Variants in MUC17 observed in about 807,000 individuals in gnomAD.
MUC17 encodes mucin 17, cell surface associated.
A neutral mutation model predicts 170.3 loss-of-function variants in MUC17; 190 were observed. That is an observed-to-expected ratio of 1.12 (90% CI 0.99 to 1.26). MUC17 has a LOEUF of 1.26. MUC17 is among the 50% of genes most tolerant of loss of function. The probability of loss-of-function intolerance (pLI) is 0.00; values close to 1 mark genes in which losing one functional copy is unlikely to be tolerated. For synonymous variants in MUC17, 2,325 were observed against 2,002.5 expected (o/e 1.16, Z -4.30); for missense variants, 6,415 against 5,530.0 (o/e 1.16, Z -5.08).
rs771636638 is a variant in MUC17, at chr7:101,040,214, T to C, written c.8798T>C (p.Ile2933Thr). ...GAAGTAAGTACTCCATTAACAAGTATACTTGTCAGCACCGTGCCAGTGGCC... is the reference window on the plus strand; with the variant it reads ...GAAGTAAGTACTCCATTAACAAGTACACTTGTCAGCACCGTGCCAGTGGCC... ...PSEVSTPLTS[I>T]LVSTVPVAGS... Residue 2933 changes from isoleucine (I) to threonine (T), a missense_variant, in exon 3 of 13, where the codon ATA becomes ACA. Ile to Thr is a moderately conservative substitution (Grantham distance 89). Transcript: ENST00000306151. The C allele has an allele frequency of 9.9e-6, 16 of 1,612,194 alleles. No individual in the cohort carries two copies. Among genetic ancestry groups the C allele is most frequent in the Admixed American group, 5.0e-5 (3 of 59,566 alleles).
Position 101,037,333 on chromosome 7 carries a change from A to G in MUC17, c.5917A>G (p.Thr1973Ala). Residue 1973 changes from threonine (T) to alanine (A), a missense_variant, in exon 3 of 13, where the codon ACC becomes GCC. Coordinates refer to ENST00000306151, the MANE Select transcript of MUC17 (RefSeq NM_001040105.2). ...ASSSPTTADG[T>A]SMPTPAYSEG... ...TTCATCTCCTACAACTGCTGATGGTACCAGCATGCCAACCCCAGCTTATAG... is the reference window on the plus strand; with the variant it reads ...TTCATCTCCTACAACTGCTGATGGTGCCAGCATGCCAACCCCAGCTTATAG... The G allele has an allele frequency of 6.2e-7, 1 of 1,614,158 alleles. No individual in the cohort carries two copies. The highest frequency in any genetic ancestry group is 1.1e-5 in the South Asian group (1 of 91,078).
Position 101,037,099 on chromosome 7 carries a change from A to G in MUC17, c.5683A>G (p.Ser1895Gly). The change falls in exon 3 of 13, where the codon AGC becomes GGC. Residue 1895 changes from serine (S) to glycine (G), a missense_variant. Ser to Gly is a moderately conservative substitution (Grantham distance 56). Transcript: ENST00000306151. ...NTLSTTPAVT[S>G]TPVTTYAQVS... Reference sequence around the variant, plus strand: ...CCTTTCAACAACTCCCGCTGTCACCAGCACACCTGTGACCACTTATGCTCA... The same window carrying G: ...CCTTTCAACAACTCCCGCTGTCACCGGCACACCTGTGACCACTTATGCTCA... The G allele has an allele frequency of 6.3e-7, 1 of 1,584,750 alleles. No homozygotes were observed. Among genetic ancestry groups the G allele is most frequent in the Non-Finnish European group, 8.5e-7 (1 of 1,178,168 alleles).
chr7:101,040,887 A>C lies in MUC17; in HGVS notation c.9471A>C (p.Ser3157=), dbSNP rs769827113. 1 of 1,613,372 alleles carries C rather than the reference A, an allele frequency of 6.2e-7. No individual in the cohort carries two copies. Among genetic ancestry groups the C allele is most frequent in the South Asian group, 1.1e-5 (1 of 91,030 alleles). ...CTGAAGGTACCAGCATGCCAACCTC[A>C]ACTCCTAGTGAAGGAAGTACTCCAT... ...TTSEGTSMPT[S]TPSEGSTPLT... The change falls in exon 3 of 13, where the codon TCA becomes TCC. Residue 3157 remains serine (S), a synonymous_variant. Transcript: ENST00000306151.
At chr7:101,056,930 T>G (rs116249972) in intron 12 of MUC17, among the ~76,000 whole-genome samples, 1 of 152,270 alleles carries the variant, frequency 6.6e-6, no homozygotes, top group African/African-American at 2.4e-5. Flanking sequence ...TAGAATGGGC[T>G]CCTACATTTT....
rs536760156 is a variant in MUC17, at chr7:101,053,247, G to A, written c.13266-92G>A. On this transcript the variant is annotated intron_variant, in intron 10 of 12. Transcript: ENST00000306151. Reference sequence around the variant, plus strand: ...TCACTTCATAGTCTAGGTGGGCAGCGGGGGCAGCTAAAAATGGGGATACAG... The same window carrying A: ...TCACTTCATAGTCTAGGTGGGCAGCAGGGGCAGCTAAAAATGGGGATACAG... The A allele has an allele frequency of 6.0e-5, 94 of 1,578,984 alleles. 1 individual carries two copies. In the Middle Eastern group the frequency reaches 1.2e-3, roughly 20 times the overall value.
chr7:101,051,595 T>TA lies in MUC17; in HGVS notation c.12875-17dup, dbSNP rs1190098238. ...AGCGTGTATGTGTCGTGAGGGGTTT[T>TA]ATGTGTCTCTTTCACAGACATGATG... On this transcript the variant is annotated splice_polypyrimidine_tract_variant and intron_variant, in intron 7 of 12. Transcript: ENST00000306151. 3 of 1,612,538 alleles carry TA rather than the reference T, an allele frequency of 1.9e-6. No individual in the cohort carries two copies. The African/African-American group carries it at 4.0e-5, about 22-fold the overall frequency.
rs1393064437 is a variant in MUC17, at chr7:101,048,192, C to T, written c.12535+77C>T. The T allele has an allele frequency of 5.7e-6, 8 of 1,402,922 alleles. No individual in the cohort carries two copies. The South Asian group carries it at 9.8e-5, about 17-fold the overall frequency. 86.9% of individuals were successfully genotyped at this position (1,402,922 alleles called of 1,614,324 possible). A position where few individuals can be genotyped will look rare whatever the true frequency, so the allele number is the denominator to read the frequency against. ...CATACAAGCAACAGTTCCTGCCCCACCTTGATGTGAGGCCAGGAATAGGGC... is the reference window on the plus strand; with the variant it reads ...CATACAAGCAACAGTTCCTGCCCCATCTTGATGTGAGGCCAGGAATAGGGC... On this transcript the variant is annotated intron_variant, in intron 4 of 12. Coordinates refer to ENST00000306151, the MANE Select transcript of MUC17 (RefSeq NM_001040105.2).
chr7:101,037,775 G>C lies in MUC17; in HGVS notation c.6359G>C (p.Ser2120Thr). Residue 2120 changes from serine to threonine, a missense_variant, in exon 3 of 13, where the codon AGC becomes ACC. Transcript: ENST00000306151. ...STTPVASPEA[S>T]TLSTTPVDSN... The stretch of plus-strand genomic sequence containing the variant: ...ACGCCGGTGGCCAGTCCTGAGGCTA[G>C]CACCCTTTCAACAACTCCTGTTGAC... 1.2e-6 allele frequency: 2 copies of C among 1,613,010 alleles called. No individual in the cohort carries two copies. Among genetic ancestry groups the C allele is most frequent in the Non-Finnish European group, 1.7e-6 (2 of 1,179,372 alleles).
At position 101,031,775 on chromosome 7, in the gene MUC17, A is replaced by T; in HGVS notation, c.359A>T (p.Glu120Val). The change falls in exon 3 of 13, where the codon GAA becomes GTA. Residue 120 changes from glutamate to valine, a missense_variant. By Grantham distance (121) the Glu-to-Val change is moderately radical (BLOSUM62 -2). Coordinates refer to ENST00000306151, the MANE Select transcript of MUC17 (RefSeq NM_001040105.2). ...MTPTESRTTS[E>V]STSDSTTLFP... ...CCAACAGAATCCAGAACAACTTCAG[A>T]ATCTACCAGTGACAGCACCACACTT... 1 of 1,608,100 alleles carries T rather than the reference A, an allele frequency of 6.2e-7. No homozygotes were observed. The highest frequency in any genetic ancestry group is 2.2e-5 in the East Asian group (1 of 44,844).
intron 6 of MUC17, among the ~76,000 whole-genome samples, chr7:101,050,177 C>G (rs1794912089): frequency 6.6e-6 from 1 of 152,142 alleles, no homozygotes; most frequent in African/African-American, 2.4e-5. Context: ...CTGTGGTTCC[C>G]ATTCCTCCAT....
chr7:101,025,119 C>T (rs1339807089), intron 1 of MUC17, among the ~76,000 whole-genome samples: 1 of 152,124 alleles, frequency 6.6e-6, no homozygotes, highest in Non-Finnish European at 1.5e-5. Context: ...AATCCCAGCA[C>T]TTTGGGAGGC....
rs201207919 is a variant in MUC17 at position 101,037,014 on chromosome 7, C to A, written c.5598C>A (p.Ser1866Arg). The change falls in exon 3 of 13, where the codon AGC (serine) becomes AGA (arginine). Residue 1866 changes from serine (S) to arginine (R), a missense_variant. Physicochemically the swap from Ser to Arg is moderately radical, Grantham distance 110 (BLOSUM62 -1). Transcript: ENST00000306151. The part of the protein sequence containing the change: ...SIATSTPSEG[S>R]TALTSIPVST... ...CAACCTCAACGCCTAGTGAAGGAAG[C>A]ACTGCATTAACAAGTATACCTGTCA... 6.6e-7 allele frequency: 1 copy of A among 1,511,610 alleles called. No homozygotes were observed. Among genetic ancestry groups the A allele is most frequent in the Non-Finnish European group, 8.7e-7 (1 of 1,145,524 alleles). The allele number at this position is 1,511,610 out of a possible 1,614,324, so 93.6% of individuals were successfully genotyped here. A position where few individuals can be genotyped will look rare whatever the true frequency, so the allele number is the denominator to read the frequency against.
chr7:101,043,704 A>C lies in MUC17; in HGVS notation c.12288A>C (p.Thr4096=). ...PEAVTTMTTR[T]KPSTRTTSFP... Reference sequence around the variant, plus strand: ...CTGTCACCACCATGACCACCAGGACAAAACCCAGCACACGGACCACTTCCT... The same window carrying C: ...CTGTCACCACCATGACCACCAGGACCAAACCCAGCACACGGACCACTTCCT... Residue 4096 remains threonine, a synonymous_variant, in exon 3 of 13, where the codon ACA becomes ACC. Transcript: ENST00000306151. 6.2e-7 allele frequency: 1 copy of C among 1,614,176 alleles called. No homozygotes were observed. Among genetic ancestry groups the C allele is most frequent in the Middle Eastern group, 1.6e-4 (1 of 6,062 alleles).
intron 1 of MUC17, among the ~76,000 whole-genome samples, chr7:101,024,243 T>C (rs1040765016): frequency 2.0e-5 from 3 of 151,862 alleles, no homozygotes; most frequent in Non-Finnish European, 4.4e-5. Context: ...CTACTAAAAA[T>C]AGAAAAATTA....
At position 101,049,324 on chromosome 7, in the gene MUC17, A is replaced by G; in HGVS notation, c.12664A>G (p.Met4222Val). The G allele has an allele frequency of 1.2e-6, 2 of 1,614,108 alleles. No homozygotes were observed. The highest frequency in any genetic ancestry group is 1.3e-5 in the African/African-American group (1 of 75,022). Reference protein sequence around the residue: ...QEFKQTFTEQMNIVYSGIPEY... With the variant: ...QEFKQTFTEQVNIVYSGIPEY... ...GACACAGTGGCCCCTTGCCTTTCAG[A>G]TGAATATTGTGTATTCCGGGATCCC... is the stretch of plus-strand genomic sequence containing the variant. The change falls in exon 6 of 13, where the codon ATG (methionine) becomes GTG (valine). Residue 4222 changes from methionine to valine, a missense_variant and splice_region_variant. By Grantham distance (21) the Met-to-Val change is conservative. Coordinates refer to ENST00000306151, the MANE Select transcript of MUC17 (RefSeq NM_001040105.2).
chr7:101,020,157 G>A lies in MUC17; in HGVS notation c.22G>A (p.Ala8Thr), dbSNP rs1562798277. 4 of 1,608,030 alleles carry A rather than the reference G, an allele frequency of 2.5e-6. No individual in the cohort carries two copies. The highest frequency in any genetic ancestry group is 3.4e-6 in the Non-Finnish European group (4 of 1,177,240). The stretch of plus-strand genomic sequence containing the variant: ...TCCGATGCCAAGGCCAGGGACCATG[G>A]CGCTGTGTCTGCTGACCTTGGTCCT... MPRPGTMALCLLTLVLSL... is the reference protein window; with the variant it reads MPRPGTMTLCLLTLVLSL... The change falls in exon 1 of 13, where the codon GCG becomes ACG. Residue 8 changes from alanine to threonine, a missense_variant. By Grantham distance (58) the Ala-to-Thr change is moderately conservative. Coordinates refer to ENST00000306151, the MANE Select transcript of MUC17 (RefSeq NM_001040105.2).
In MUC17 at chr7:101,033,742, A is replaced by T. The variant is rs1245643264; in HGVS notation, c.2326A>T (p.Thr776Ser). The T allele has an allele frequency of 6.2e-7, 1 of 1,613,910 alleles. No individual in the cohort carries two copies. The highest frequency in any genetic ancestry group is 8.5e-7 in the Non-Finnish European group (1 of 1,179,864). Residue 776 changes from threonine to serine, a missense_variant, in exon 3 of 13, where the codon ACA becomes TCA. Physicochemically the swap from Thr to Ser is moderately conservative, Grantham distance 58. Coordinates refer to ENST00000306151, the MANE Select transcript of MUC17 (RefSeq NM_001040105.2). ...TLSTTPLDTS[T>S]HITTSTEASC... ...TTCAACAACTCCTCTTGACACAAGC[A>T]CACATATCACCACTTCTACTGAAGC...
In MUC17 at chr7:101,043,489, G is replaced by A. The variant is rs1182342877; in HGVS notation, c.12073G>A (p.Ala4025Thr). ...AACCAGCAGAGGCTGCACTACTTCT[G>A]CATCAACGCTTTCTGCAACCAGTAC... ...RTTSRGCTTSASTLSATSTPH... is the reference protein window; with the variant it reads ...RTTSRGCTTSTSTLSATSTPH... The change falls in exon 3 of 13, where the codon GCA becomes ACA. Residue 4025 changes from alanine (A) to threonine (T), a missense_variant. By Grantham distance (58) the Ala-to-Thr change is moderately conservative. Coordinates refer to ENST00000306151, the MANE Select transcript of MUC17 (RefSeq NM_001040105.2). 6.2e-7 allele frequency: 1 copy of A among 1,614,038 alleles called. No homozygotes were observed. Among genetic ancestry groups the A allele is most frequent in the Non-Finnish European group, 8.5e-7 (1 of 1,180,022 alleles).
Position 101,032,950 on chromosome 7 carries a change from C to T in MUC17, c.1534C>T (p.Pro512Ser), listed in dbSNP as rs1649597532. ...CTCAACTCCTAGTGAAGGAAGCACT[C>T]CATTAACAAGTATGTCTGTCAGCAC... is the stretch of plus-strand genomic sequence containing the variant. ...PTSTPSEGSTPLTSMSVSTMP... is the reference protein window; with the variant it reads ...PTSTPSEGSTSLTSMSVSTMP... Residue 512 changes from proline to serine, a missense_variant, in exon 3 of 13, where the codon CCA becomes TCA. Coordinates refer to ENST00000306151, the MANE Select transcript of MUC17 (RefSeq NM_001040105.2). 1 of 1,613,516 alleles carries T rather than the reference C, an allele frequency of 6.2e-7. No individual in the cohort carries two copies. Among genetic ancestry groups the T allele is most frequent in the Non-Finnish European group, 8.5e-7 (1 of 1,179,868 alleles).
Sources: allele counts gnomAD v4.1 joint callset (sites outside exome capture counted in the v4.1 genomes callset), GRCh38; gene constraint gnomAD v4.1.1; transcripts MANE v1.5; gene names NCBI Gene and HGNC (gene_info 2026-07-23, HGNC 2026-07-21).